OTC: variants seen among roughly 807,000 people sequenced by gnomAD.
OTC encodes the protein ornithine transcarbamylase, mitochondrial.
A neutral mutation model predicts 30.3 loss-of-function variants in OTC; 3 were observed. The observed-to-expected ratio is 0.10, with a 90% CI of 0.05 to 0.26. OTC has a LOEUF of 0.26. OTC is among the 10% of genes least tolerant of loss of function. The probability of loss-of-function intolerance (pLI) is 1.00; values close to 1 mark genes in which losing one functional copy is unlikely to be tolerated. For synonymous variants in OTC, 111 were observed against 99.7 expected (o/e 1.11, Z -0.67); for missense variants, 194 against 260.3 (o/e 0.75, Z 1.75).
intron 6 of OTC, among the ~76,000 whole-genome samples, chrX:38,407,314 G>A (rs2068519876): frequency 8.9e-6 from 1 of 112,494 alleles, no homozygotes; most frequent in Admixed American, 9.4e-5. Flanking sequence ...AGTGCCCAAA[G>A]GGGGCTGACA....
At chrX:38,395,559 G>C in intron 4 of OTC, 1 of 143,232 alleles carries the variant, frequency 7.0e-6, no homozygotes. Context: ...TTCTTGGGCA[G>C]CCAGATGACA....
chrX:38,359,981 G>T lies in OTC; in HGVS notation c.77+7208G>T, dbSNP rs1474786830. Among the ~76,000 whole-genome samples, 14 of 102,981 alleles carry T rather than the reference G, an allele frequency of 1.4e-4. No individual in the cohort carries two copies. The Admixed American group carries it at 1.5e-3, about 11-fold the overall frequency. 89.4% of individuals were successfully genotyped at this position (102,981 alleles called of 115,157 possible). Reference sequence around the variant, plus strand: ...CACCCAGGCTAGAGTGCAATGGTGCGATCTCAGCTTACTGCAACCTCTGCC... The same window carrying T: ...CACCCAGGCTAGAGTGCAATGGTGCTATCTCAGCTTACTGCAACCTCTGCC... On this transcript the variant is annotated intron_variant, in intron 1 of 9. Transcript: ENST00000039007.
chrX:38,402,016 A>C (rs2068491784), intron 5 of OTC, among the ~76,000 whole-genome samples: 1 of 112,050 alleles, frequency 8.9e-6, no homozygotes, highest in South Asian at 3.7e-4. Flanking sequence ...TGCCACAGCC[A>C]ATCTACATTA....
At chrX:38,394,896 G>C (rs1018051426) in intron 4 of OTC, among the ~76,000 whole-genome samples, 10 of 111,020 alleles carry the variant, frequency 9.0e-5, no homozygotes, top group African/African-American at 1.6e-4. Context: ...TAGTTTCTGG[G>C]GGGGGGCAGG....
intron 6 of OTC, 58 bp downstream of exon 6, chrX:38,403,798 T>C: frequency 3.5e-6 from 4 of 1,156,874 alleles, no homozygotes; most frequent in Non-Finnish European, 4.7e-6. Flanking sequence ...TCAGATGCAA[T>C]TACCCAGTGA....
At chrX:38,413,910 A>T (rs775054845) in intron 9 of OTC, among the ~76,000 whole-genome samples, 57 of 109,160 alleles carry the variant, frequency 5.2e-4, no homozygotes, top group Non-Finnish European at 8.4e-4. Context: ...CTGACCTCAA[A>T]TGATCCACCC....
chrX:38,369,313 C>T (rs1253253660), intron 2 of OTC, among the ~76,000 whole-genome samples: 4 of 110,357 alleles, frequency 3.6e-5, no homozygotes, highest in African/African-American at 1.3e-4. Context: ...CTGTTCTCTT[C>T]CCCCATTTGT....
chrX:38,406,982 G>A (rs1180131010), intron 6 of OTC, among the ~76,000 whole-genome samples: 1 of 112,632 alleles, frequency 8.9e-6, no homozygotes, highest in African/African-American at 3.2e-5. Context: ...CCTGTCACAG[G>A]TTGGGTTTCT....
the OTC span, among the ~76,000 whole-genome samples, chrX:38,344,434 A>G: frequency 0.18 from 19,585 of 111,324 alleles, 1,349 homozygotes; most frequent in African/African-American, 0.23. Context: ...CATTCTGGGA[A>G]TATTAGAATA....
At position 38,411,939 on chromosome X, in the gene OTC, C is replaced by G. The variant is rs1296441032; in HGVS notation, c.945C>G (p.Val315=). The change falls in exon 9 of 10, where the codon GTC becomes GTG. Residue 315 remains valine, a synonymous_variant. Coordinates refer to ENST00000039007, the MANE Select transcript of OTC (RefSeq NM_000531.6). ...PRKPEEVDDE[V]FYSPRSLVFP... is the part of the protein sequence containing the mutation. ...AGCCAGAAGAAGTGGATGATGAAGT[C>G]TTTTATTCTCCTCGATCACTAGTGT... The G allele has an allele frequency of 1.7e-6, 2 of 1,208,551 alleles. No homozygotes were observed. Among genetic ancestry groups the G allele is most frequent in the Non-Finnish European group, 2.2e-6 (2 of 892,613 alleles).
intron 3 of OTC, among the ~76,000 whole-genome samples, chrX:38,372,252 T>C (rs1361011876): frequency 1.8e-5 from 2 of 111,370 alleles, no homozygotes; most frequent in Non-Finnish European, 3.8e-5. Context: ...TGTTCTACAT[T>C]AATTATGTGT....
chrX:38,351,917 C>A (rs2068218843), upstream of OTC, among the ~76,000 whole-genome samples: 2 of 111,172 alleles, frequency 1.8e-5, no homozygotes, highest in Admixed American at 1.9e-4. Flanking sequence ...TGCACCACCA[C>A]GTCTAGCTAA....
chrX:38,363,319 A>G (rs1457489354), intron 1 of OTC, among the ~76,000 whole-genome samples: 1 of 112,062 alleles, frequency 8.9e-6, no homozygotes, highest in African/African-American at 3.2e-5. Context: ...AGGAATATCA[A>G]TGTGTTATTG....
chrX:38,376,400 AG>A (rs1295949036), intron 3 of OTC, among the ~76,000 whole-genome samples: 1 of 112,078 alleles, frequency 8.9e-6, no homozygotes, highest in Non-Finnish European at 1.9e-5. Flanking sequence ...TGAGTAGGCA[AG>A]GGGAGTGGCT....
chrX:38,329,543 A>T, the OTC span, among the ~76,000 whole-genome samples: 2 of 111,942 alleles, frequency 1.8e-5, no homozygotes, highest in Non-Finnish European at 3.8e-5. Context: ...ATACCTAAGT[A>T]ACAAAAGAAC....
At chrX:38,379,503 A>G (rs1203799422) in intron 3 of OTC, among the ~76,000 whole-genome samples, 2 of 112,344 alleles carry the variant, frequency 1.8e-5, no homozygotes, top group Admixed American at 1.9e-4. Context: ...GGTGGTCTCT[A>G]GTTAAAGACC....
intron 4 of OTC, among the ~76,000 whole-genome samples, chrX:38,392,901 T>G (rs1875527096): frequency 8.9e-6 from 1 of 112,476 alleles, no homozygotes; most frequent in African/African-American, 3.2e-5. Flanking sequence ...ACAGTCCAAT[T>G]TCATAACCTT....
intron 1 of OTC, among the ~76,000 whole-genome samples, chrX:38,360,632 G>A (rs2068266929): frequency 9.0e-6 from 1 of 111,413 alleles, no homozygotes; most frequent in Admixed American, 9.6e-5. Flanking sequence ...CGAGTCCTGT[G>A]ATGGGAAAGC....
intron 3 of OTC, among the ~76,000 whole-genome samples, chrX:38,374,826 A>G (rs1276662371): frequency 8.9e-6 from 1 of 111,829 alleles, no homozygotes; most frequent in African/African-American, 3.2e-5. Flanking sequence ...ACAATAAATA[A>G]TTTTTTGACG....
Sources: allele counts gnomAD v4.1 joint callset (sites outside exome capture counted in the v4.1 genomes callset), GRCh38; gene constraint gnomAD v4.1.1; transcripts MANE v1.5; gene names NCBI Gene and HGNC (gene_info 2026-07-23, HGNC 2026-07-21).